The following TCF4 variants were observed in gnomAD, a reference collection of about 807,000 sequenced individuals.
TCF4 encodes transcription factor 4.
In TCF4, 3 loss-of-function variants were observed where a neutral mutation model predicts 82.1. That is an observed-to-expected ratio of 0.04 (90% confidence interval 0.02 to 0.09). The LOEUF (loss-of-function observed/expected upper bound fraction) is 0.09, where lower values mean the gene tolerates loss of function less well. Among genes scored for constraint, TCF4 ranks in the 10% least tolerant of loss-of-function variants. The probability of loss-of-function intolerance (pLI) is 1.00; values close to 1 mark genes in which losing one functional copy is unlikely to be tolerated. For missense variants in TCF4, 518 were observed against 852.7 expected (o/e 0.61, Z 4.89); for synonymous variants, 276 against 309.6 (o/e 0.89, Z 1.14).
At chr18:55,275,292 A>G (rs184992628) in intron 10 of TCF4, among the ~76,000 whole-genome samples, 2 of 150,536 alleles carry the variant, frequency 1.3e-5, no homozygotes, top group African/African-American at 4.9e-5. Context: ...AAAAAAAAAA[A>G]AAAAAACCAG....
chr18:55,350,194 A>G (rs998256514), intron 8 of TCF4, among the ~76,000 whole-genome samples, 165 bp downstream of exon 8: 4 of 152,162 alleles, frequency 2.6e-5, no homozygotes, highest in Non-Finnish European at 5.9e-5. Flanking sequence ...AATCACTCCA[A>G]TGTGGGTCAG....
intron 3 of TCF4, among the ~76,000 whole-genome samples, chr18:55,535,164 T>C (rs549636972): frequency 1.3e-5 from 2 of 152,358 alleles, no homozygotes; most frequent in Middle Eastern, 3.4e-3. Context: ...TGTGTTCCAG[T>C]AGTCAGCTAA....
rs573613610 is a variant in TCF4 at position 55,224,707 on chromosome 18, T to C, written c.*3328A>G. On this transcript the variant is annotated 3_prime_UTR_variant, in exon 20 of 20. Transcript: ENST00000354452. ...AATCGGAAGACTGAATCAGAACCAG[T>C]TGCACCACTGGGTGGACTGACAGTT... The C allele has an allele frequency of 8.5e-5, 13 of 152,670 alleles. No individual in the cohort carries two copies. The highest frequency in any genetic ancestry group is 2.0e-4 in the Admixed American group (3 of 15,296). The allele number at this position is 152,670 out of a possible 1,614,324, so 9.5% of individuals were successfully genotyped here.
chr18:55,612,301 G>C (rs540829489), intron 2 of TCF4, among the ~76,000 whole-genome samples: 107 of 152,166 alleles, frequency 7.0e-4, no homozygotes, highest in Non-Finnish European at 1.3e-3. Flanking sequence ...GGGATATGAG[G>C]GGGGAGAGTG....
At chr18:55,588,692 A>T (rs2097675647), upstream of TCF4, 16 of 1,325,810 alleles carry the variant, frequency 1.2e-5, no homozygotes, top group Non-Finnish European at 1.4e-5. Flanking sequence ...GCCAAGAGGA[A>T]CAATATTTTT....
chr18:55,354,578 C>T (rs1185188758), intron 6 of TCF4, among the ~76,000 whole-genome samples: 1 of 152,136 alleles, frequency 6.6e-6, no homozygotes, highest in Non-Finnish European at 1.5e-5. Flanking sequence ...GAACTCACTG[C>T]TTGAAGCTTA....
Position 55,279,596 on chromosome 18 carries a change from A to G in TCF4, c.610T>C (p.Ser204Pro), listed in dbSNP as rs762952107. 3 of 1,613,960 alleles carry G rather than the reference A, an allele frequency of 1.9e-6. No individual in the cohort carries two copies. The highest frequency in any genetic ancestry group is 2.2e-5 in the South Asian group (2 of 91,080). Residue 204 changes from serine (S) to proline (P), a missense_variant, in exon 9 of 20, where the codon TCC becomes CCC. Physicochemically the swap from Ser to Pro is moderately conservative, Grantham distance 74. Coordinates refer to ENST00000354452, the MANE Select transcript of TCF4 (RefSeq NM_001083962.2). ...GGGAAAGTGCTGGTTGCTGGTTTGG[A>G]GGAAGGATAGCCTGGCGAGTCCCTA... is the stretch of plus-strand genomic sequence containing the variant. ...YNRDSPGYPS[S>P]KPATSTFPSS...
chr18:55,352,351 A>G (rs956274703), intron 6 of TCF4, among the ~76,000 whole-genome samples: 1 of 152,138 alleles, frequency 6.6e-6, no homozygotes, highest in African/African-American at 2.4e-5. Flanking sequence ...ATATAGCTAA[A>G]TATCATAAAG....
chr18:55,292,379 A>G (rs767766102), intron 8 of TCF4, among the ~76,000 whole-genome samples: 2 of 152,176 alleles, frequency 1.3e-5, no homozygotes, highest in Non-Finnish European at 2.9e-5. Flanking sequence ...AACCCATACA[A>G]TTGCTTAAAA....
At chr18:55,393,679 AT>A (rs936297997) in intron 6 of TCF4, among the ~76,000 whole-genome samples, 13 of 152,278 alleles carry the variant, frequency 8.5e-5, no homozygotes, top group South Asian at 4.1e-4. Context: ...AATTTGCATA[AT>A]TTTTTTAATA....
Position 55,222,665 on chromosome 18 carries a change from C to T in TCF4, c.*5370G>A, listed in dbSNP as rs553489380. 6.6e-6 allele frequency: 1 copy of T among 152,596 alleles called. No homozygotes were observed. Among genetic ancestry groups the T allele is most frequent in the Non-Finnish European group, 1.5e-5 (1 of 68,040 alleles). The allele number at this position is 152,596 out of a possible 1,614,324, so 9.5% of individuals were successfully genotyped here. ...ATTCTGTTATGAAGCGCTCAGCTACCGCGGGCTTTCCTTTACATTGCATAC... is the reference window on the plus strand; with the variant it reads ...ATTCTGTTATGAAGCGCTCAGCTACTGCGGGCTTTCCTTTACATTGCATAC... On this transcript the variant is annotated 3_prime_UTR_variant, in exon 20 of 20. Coordinates refer to ENST00000354452, the MANE Select transcript of TCF4 (RefSeq NM_001083962.2).
rs1319306123 is a variant in TCF4 at position 55,611,927 on chromosome 18, C to A, written c.286+19371G>T. 2.6e-5 allele frequency among the ~76,000 whole-genome samples: 4 copies of A among 152,212 alleles called. 1 individual carries two copies. In the East Asian group the frequency reaches 5.8e-4, roughly 22 times the overall value. ...GGGAATACAGGCACTCGTCACCATGCCCAGCTCATTTTTTTGTATTTTTAG... is the reference window on the plus strand; with the variant it reads ...GGGAATACAGGCACTCGTCACCATGACCAGCTCATTTTTTTGTATTTTTAG... On this transcript the variant is annotated intron_variant, in intron 2 of 20. Transcript: ENST00000398339.
rs151245966 is a variant in TCF4 at position 55,574,239 on chromosome 18, C to T, written c.145+11041G>A. Among the ~76,000 whole-genome samples, 1,218 of 152,240 alleles carry T rather than the reference C, an allele frequency of 8.0e-3. 2 individuals are homozygous for T. The highest frequency in any genetic ancestry group is 0.014 in the African/African-American group (593 of 41,544). On this transcript the variant is annotated intron_variant, in intron 3 of 19. Coordinates refer to ENST00000354452, the MANE Select transcript of TCF4 (RefSeq NM_001083962.2). Reference sequence around the variant, plus strand: ...ACATATACAGAGATTTTAGGATTTCCGTTTCAGTTAGAAATGTGAAGTCTG... The same window carrying T: ...ACATATACAGAGATTTTAGGATTTCTGTTTCAGTTAGAAATGTGAAGTCTG...
intron 5 of TCF4, among the ~76,000 whole-genome samples, chr18:55,424,654 G>T (rs1467609239): frequency 2.0e-5 from 3 of 151,778 alleles, no homozygotes; most frequent in Admixed American, 2.0e-4. Context: ...TACCCCATTT[G>T]AAAAAAAACT....
chr18:55,481,096 T>C (rs1208809349), intron 3 of TCF4, among the ~76,000 whole-genome samples: 4 of 87,938 alleles, frequency 4.5e-5, no homozygotes, highest in African/African-American at 2.0e-4. Flanking sequence ...AGAGCAAGAC[T>C]CCATCTCAAA....
At chr18:55,354,494 T>C (rs2083020732) in intron 6 of TCF4, among the ~76,000 whole-genome samples, 1 of 152,150 alleles carries the variant, frequency 6.6e-6, no homozygotes, top group Admixed American at 6.6e-5. Context: ...AAGCAAACCA[T>C]GAATTAAACT....
At chr18:55,618,786 C>T (rs1463556457) in intron 2 of TCF4, among the ~76,000 whole-genome samples, 1 of 151,220 alleles carries the variant, frequency 6.6e-6, no homozygotes, top group Non-Finnish European at 1.5e-5. Flanking sequence ...AGAGTCTTGC[C>T]ATGTTGCCCA....
chr18:55,567,138 A>G (rs2147449320), intron 3 of TCF4, among the ~76,000 whole-genome samples: 1 of 152,334 alleles, frequency 6.6e-6, no homozygotes, highest in East Asian at 1.9e-4. Context: ...AAAACAAAAA[A>G]TTAAAAAACA....
At chr18:55,236,236 G>T (rs1302927358) in intron 15 of TCF4, among the ~76,000 whole-genome samples, 1 of 152,154 alleles carries the variant, frequency 6.6e-6, no homozygotes, top group East Asian at 1.9e-4. Context: ...TTTCAGCAGA[G>T]AGATGTAGGA....
Sources: gnomAD v4.1 joint callset for allele counts (sites outside exome capture counted in the v4.1 genomes callset) on GRCh38, gnomAD v4.1.1 for gene constraint, MANE v1.5 for transcripts, NCBI Gene and HGNC (gene_info 2026-07-23, HGNC 2026-07-21) for gene names.